TECTA: variants seen among roughly 807,000 people sequenced by gnomAD.
The protein encoded by TECTA is tectorin alpha.
Under a neutral mutation model 216.8 loss-of-function variants are expected in TECTA, and 128 were observed. That is an observed-to-expected ratio of 0.59 (90% CI 0.51 to 0.68). The LOEUF (loss-of-function observed/expected upper bound fraction) is 0.68. Among genes scored for constraint, TECTA ranks in the 30% least tolerant of loss-of-function variants. The probability of loss-of-function intolerance (pLI) is 0.00; values close to 1 mark genes in which losing one functional copy is unlikely to be tolerated. For synonymous variants in TECTA, 1,089 were observed against 1,117.1 expected (o/e 0.97, Z 0.50); for missense variants, 2,551 against 2,786.2 (o/e 0.92, Z 1.90).
At position 121,137,692 on chromosome 11, in the gene TECTA, C is replaced by T. The variant is rs1417162948; in HGVS notation, c.3213C>T (p.His1071=). Residue 1071 remains histidine, a synonymous_variant, in exon 11 of 24, where the codon CAC becomes CAT. Transcript: ENST00000392793. ...GCAGTGGCACAGACAACAGGGTCCA[C>T]TGCGAGACCATTCCCTGCAAGGATG... ...CYCSGTDNRV[H]CETIPCKDDE... is the part of the protein sequence containing the mutation. The T allele has an allele frequency of 6.2e-7, 1 of 1,614,152 alleles. No individual in the cohort carries two copies. Among genetic ancestry groups the T allele is most frequent in the East Asian group, 2.2e-5 (1 of 44,860 alleles).
intron 21 of TECTA, 142 bp downstream of exon 21, chr11:121,188,136 T>A: frequency 1.2e-6 from 1 of 837,296 alleles, no homozygotes; most frequent in Non-Finnish European, 1.9e-6. Context: ...GATGGGACAG[T>A]GAGAGAAAAC....
chr11:121,189,620 C>T (rs1231774316), intron 22 of TECTA, 144 bp from the exon 23 acceptor site: 19 of 724,384 alleles, frequency 2.6e-5, no homozygotes, highest in Non-Finnish European at 3.9e-5. Flanking sequence ...GTGATCCACC[C>T]GCCTCGGCCT....
chr11:121,140,850 G>A (rs1946777900), intron 11 of TECTA: 1 of 152,248 alleles, frequency 6.6e-6, no homozygotes, highest in African/African-American at 2.4e-5. Flanking sequence ...ACCTAATCCA[G>A]TGTGACCTCA....
chr11:121,133,554 A>G (rs1591447164), intron 10 of TECTA, among the ~76,000 whole-genome samples: 1 of 151,998 alleles, frequency 6.6e-6, no homozygotes, highest in Non-Finnish European at 1.5e-5. Flanking sequence ...ACAATGACTT[A>G]GTTTTCTTTG....
At chr11:121,123,156 GA>G (rs1318217656) in intron 7 of TECTA, among the ~76,000 whole-genome samples, 2 of 152,184 alleles carry the variant, frequency 1.3e-5, no homozygotes, top group Admixed American at 1.3e-4. Flanking sequence ...GGACACCCTG[GA>G]AAGTTTATGT....
intron 16 of TECTA, among the ~76,000 whole-genome samples, chr11:121,164,400 A>G (rs542239795): frequency 6.6e-6 from 1 of 152,154 alleles, no homozygotes; most frequent in South Asian, 2.1e-4. Flanking sequence ...TCCATCATAT[A>G]CTGTGATGAA....
chr11:121,114,755 A>G (rs1416228755), intron 6 of TECTA, among the ~76,000 whole-genome samples: 1 of 69,858 alleles, frequency 1.4e-5, no homozygotes, highest in East Asian at 3.6e-4. Context: ...CCACCCATCC[A>G]TCCACCTACC....
In TECTA at chr11:121,125,378, C is replaced by T. The variant is rs1565521948; in HGVS notation, c.1280C>T (p.Thr427Ile). 19 of 1,614,234 alleles carry T rather than the reference C, an allele frequency of 1.2e-5. No homozygotes were observed. Among genetic ancestry groups the T allele is most frequent in the Non-Finnish European group, 1.6e-5 (19 of 1,180,052 alleles). ...AAAATCTACCAGAGTGGCATATCTA[C>T]TGCCGTGGAAACAGATTTTGGGCTC... ...TVKIYQSGIS[T>I]AVETDFGLLV... The change falls in exon 8 of 24, where the codon ACT becomes ATT. Residue 427 changes from threonine to isoleucine, a missense_variant. Physicochemically the swap from Thr to Ile is moderately conservative, Grantham distance 89. Transcript: ENST00000392793.
intron 13 of TECTA, 112 bp from the exon 14 acceptor site, chr11:121,157,729 C>T: frequency 6.7e-7 from 1 of 1,495,338 alleles, no homozygotes; most frequent in Non-Finnish European, 9.3e-7. Context: ...CAAATTCCAG[C>T]CCCATTAAAG....
intron 18 of TECTA, among the ~76,000 whole-genome samples, chr11:121,167,658 A>G (rs1947067601): frequency 6.6e-6 from 1 of 152,192 alleles, no homozygotes. Flanking sequence ...TGGTCCTTGT[A>G]GGCATGTCTG....
Position 121,130,080 on chromosome 11 carries a change from G to A in TECTA, c.2810G>A (p.Arg937His), listed in dbSNP as rs1246577688. 3.7e-6 allele frequency: 6 copies of A among 1,613,826 alleles called. No individual in the cohort carries two copies. Among genetic ancestry groups the A allele is most frequent in the Non-Finnish European group, 5.1e-6 (6 of 1,180,032 alleles). The change falls in exon 10 of 24, where the codon CGC becomes CAC. Residue 937 changes from arginine to histidine, a missense_variant. Around this residue, in one of 3 missense-constraint regions of TECTA, gnomAD observed 2,375 missense variants for 2,563.9 expected, o/e 0.93. Transcript: ENST00000392793. Reference protein sequence around the residue: ...HGVVNVTAYYRTCLFRLCQSG... With the variant: ...HGVVNVTAYYHTCLFRLCQSG... ...GTGGTGAACGTCACTGCCTATTACC[G>A]CACCTGCCTTTTCCGCCTGTGCCAG... is the stretch of plus-strand genomic sequence containing the variant.
Position 121,187,934 on chromosome 11 carries a change from C to T in TECTA, c.6102C>T (p.Asp2034=), listed in dbSNP as rs367736479. ...TCTTTAAATTCATAGGGGATTACGA[C>T]GAAGTTCACCTTCACTGTGCAGTGT... ...VTVFKFIGDY[D]EVHLHCAVSL... The change falls in exon 21 of 24, where the codon GAC becomes GAT. Residue 2034 remains aspartate, a synonymous_variant. Transcript: ENST00000392793. 4.9e-5 allele frequency: 79 copies of T among 1,614,108 alleles called. No homozygotes were observed. The highest frequency in any genetic ancestry group is 1.6e-4 in the Middle Eastern group (1 of 6,084).
In TECTA at chr11:121,137,547, A is replaced by G. The variant is rs1307809266; in HGVS notation, c.3068A>G (p.Tyr1023Cys). The G allele has an allele frequency of 1.2e-5, 20 of 1,613,786 alleles. No homozygotes were observed. Among genetic ancestry groups the G allele is most frequent in the Non-Finnish European group, 1.7e-5 (20 of 1,179,976 alleles). The change falls in exon 11 of 24, where the codon TAT becomes TGT. Residue 1023 changes from tyrosine to cysteine, a missense_variant. By Grantham distance (194) the Tyr-to-Cys change is radical. Coordinates refer to ENST00000392793, the MANE Select transcript of TECTA (RefSeq NM_005422.4). ...CSEGCQCDEG[Y>C]ALLGSQCVTR... ...GAGGGATGTCAGTGTGATGAGGGCT[A>G]TGCTCTACTGGGCAGCCAGTGTGTC...
chr11:121,128,745 A>G (rs1200801155), intron 9 of TECTA, among the ~76,000 whole-genome samples: 1 of 152,182 alleles, frequency 6.6e-6, no homozygotes, highest in East Asian at 1.9e-4. Flanking sequence ...GGAGATTCAC[A>G]CCTGCCTGGC....
intron 22 of TECTA, among the ~76,000 whole-genome samples, chr11:121,189,452 C>T (rs1380656073): frequency 1.3e-5 from 2 of 151,780 alleles, no homozygotes; most frequent in African/African-American, 2.4e-5. Context: ...TGGCTCACTG[C>T]AAGCTCCGCC....
intron 3 of TECTA, among the ~76,000 whole-genome samples, chr11:121,108,010 G>T (rs539518018): frequency 6.6e-6 from 1 of 152,144 alleles, no homozygotes; most frequent in East Asian, 1.9e-4. Context: ...CATCAGTGGA[G>T]GTCTTTTAAA....
chr11:121,165,407 C>A (rs535798886), intron 17 of TECTA, 24 bp downstream of exon 17: 1 of 1,551,272 alleles, frequency 6.4e-7, no homozygotes, highest in Non-Finnish European at 8.7e-7. Context: ...GCCACCTCCC[C>A]ACCCAGAAAG....
chr11:121,168,009 C>T, intron 18 of TECTA, 45 bp from the exon 19 acceptor site: 4 of 1,609,268 alleles, frequency 2.5e-6, no homozygotes, highest in South Asian at 2.2e-5. Flanking sequence ...AAGCTACATA[C>T]TCACTCCCAG....
intron 7 of TECTA, among the ~76,000 whole-genome samples, chr11:121,121,406 C>T (rs2135071688): frequency 6.6e-6 from 1 of 152,148 alleles, no homozygotes; most frequent in East Asian, 1.9e-4. Context: ...AGCAAGCAAA[C>T]AGGCGAGGCT....
Sources: allele counts gnomAD v4.1 joint callset (sites outside exome capture counted in the v4.1 genomes callset), GRCh38; gene constraint gnomAD v4.1.1; regional missense constraint gnomAD v4.1.1; transcripts MANE v1.5; gene names NCBI Gene and HGNC (gene_info 2026-07-23, HGNC 2026-07-21).